The following TMEM165 variants were observed in gnomAD, a reference collection of about 807,000 sequenced individuals.
TMEM165 encodes putative divalent cation/proton antiporter TMEM165.
TMEM165 carries 19 observed loss-of-function variants against 30.0 expected under a neutral mutation model. That is an observed-to-expected ratio of 0.63 (90% confidence interval 0.44 to 0.93). TMEM165 has a LOEUF of 0.93. Ranked by LOEUF, TMEM165 falls within the 40% of genes least tolerant of loss-of-function variation. TMEM165 has a pLI of 0.00. For missense variants in TMEM165, 340 were observed against 417.0 expected (o/e 0.82, Z 1.61); for synonymous variants, 168 against 162.9 (o/e 1.03, Z -0.24).
Position 55,417,992 on chromosome 4 carries a change from G to A in TMEM165, c.792+7G>A. ...TGTATTGGCAGCTAGAGAGGTGAGTGATATTTGAGAGGAGACTGTTTAAAA... is the reference window on the plus strand; with the variant it reads ...TGTATTGGCAGCTAGAGAGGTGAGTAATATTTGAGAGGAGACTGTTTAAAA... On this transcript the variant is annotated splice_region_variant and intron_variant, in intron 4 of 5. Coordinates refer to ENST00000381334, the MANE Select transcript of TMEM165 (RefSeq NM_018475.5). 6.3e-7 allele frequency: 1 copy of A among 1,598,922 alleles called. No homozygotes were observed. Among genetic ancestry groups the A allele is most frequent in the South Asian group, 1.1e-5 (1 of 87,934 alleles).
At chr4:55,411,961 C>T in intron 2 of TMEM165, 122 bp downstream of exon 2, 2 of 872,816 alleles carry the variant, frequency 2.3e-6, no homozygotes, top group Non-Finnish European at 3.7e-6. Flanking sequence ...TATTTGTGGT[C>T]TTCCAACCTT....
At chr4:55,396,700 G>C (rs1270969974) in intron 1 of TMEM165, among the ~76,000 whole-genome samples, 2 of 152,228 alleles carry the variant, frequency 1.3e-5, no homozygotes, top group African/African-American at 4.8e-5. Context: ...AGAGTAGCTA[G>C]AAAGACTCAT....
Position 55,401,291 on chromosome 4 carries a change from T to C in TMEM165, c.207+4895T>C, listed in dbSNP as rs561523596. ...TACAAACCCATGATAAAAAGTGTTG[T>C]TGATTACTTGGATCCTATCTTTTCT... is the stretch of plus-strand genomic sequence containing the variant. On this transcript the variant is annotated intron_variant, in intron 1 of 5. Coordinates refer to ENST00000381334, the MANE Select transcript of TMEM165 (RefSeq NM_018475.5). Among the ~76,000 whole-genome samples the C allele has an allele frequency of 1.8e-3, 278 of 150,992 alleles. 3 individuals are homozygous for C. The Middle Eastern group carries it at 0.027, about 15-fold the overall frequency.
At chr4:55,417,702 C>A in intron 3 of TMEM165, 101 bp from the exon 4 acceptor site, 2 of 982,664 alleles carry the variant, frequency 2.0e-6, no homozygotes, top group East Asian at 2.7e-5. Flanking sequence ...TTTTTTGGAG[C>A]ATATTTCATA....
downstream of TMEM165, chr4:55,428,021 A>T (rs1467923513): frequency 6.6e-6 from 1 of 152,228 alleles, no homozygotes; most frequent in Non-Finnish European, 1.5e-5. Context: ...GATAACTGAA[A>T]AACATAGCAC....
chr4:55,425,504 T>C lies in TMEM165; in HGVS notation c.*52T>C, dbSNP rs554661256. ...TTTAAAATAGGTAGTATTATCTTTC[T>C]GTACATAGTGTACATTACAACTAAA... On this transcript the variant is annotated 3_prime_UTR_variant, in exon 6 of 6. Coordinates refer to ENST00000381334, the MANE Select transcript of TMEM165 (RefSeq NM_018475.5). 2.7e-4 allele frequency: 364 copies of C among 1,328,374 alleles called. 5 individuals are homozygous for C. In the South Asian group the frequency reaches 4.3e-3, roughly 16 times the overall value. The allele number at this position is 1,328,374 out of a possible 1,614,324, so 82.3% of individuals were successfully genotyped here.
At chr4:55,422,136 T>C (rs1451263235) in intron 4 of TMEM165, among the ~76,000 whole-genome samples, 1 of 152,224 alleles carries the variant, frequency 6.6e-6, no homozygotes, top group South Asian at 2.1e-4. Context: ...CAGGAGGTGA[T>C]TGGCTGGCCA....
chr4:55,444,873 C>T (rs892738604), intron 3 of TMEM165: 1 of 1,345,148 alleles, frequency 7.4e-7, no homozygotes, highest in East Asian at 2.5e-5. Context: ...AGCAGTATAA[C>T]ATGAGTGAAG....
chr4:55,411,882 G>A, intron 2 of TMEM165, 43 bp downstream of exon 2: 2 of 1,582,568 alleles, frequency 1.3e-6, no homozygotes, highest in Non-Finnish European at 1.7e-6. Flanking sequence ...GAATTAAAGG[G>A]AAAGCGTGTT....
intron 3 of TMEM165, among the ~76,000 whole-genome samples, chr4:55,451,149 C>T (rs1025024548): frequency 6.6e-6 from 1 of 152,136 alleles, no homozygotes; most frequent in Non-Finnish European, 1.5e-5. Flanking sequence ...TCCCTAATTC[C>T]CCCATCCTGG....
intron 3 of TMEM165, chr4:55,417,588 G>C (rs1721789206): frequency 1.7e-6 from 1 of 576,296 alleles, no homozygotes; most frequent in Non-Finnish European, 3.0e-6. Flanking sequence ...AATACTGTTT[G>C]GTTTGTTCAG....
intron 3 of TMEM165, among the ~76,000 whole-genome samples, chr4:55,436,340 G>C (rs765271014): frequency 6.6e-6 from 1 of 152,164 alleles, no homozygotes; most frequent in Non-Finnish European, 1.5e-5. Context: ...TTTGAGTTTT[G>C]CTCTGCCATT....
At chr4:55,407,381 C>T (rs1038527986) in intron 1 of TMEM165, among the ~76,000 whole-genome samples, 6 of 151,852 alleles carry the variant, frequency 4.0e-5, no homozygotes, top group East Asian at 3.8e-4. Flanking sequence ...TTGAGGTGTG[C>T]GGTGAGTAAA....
chr4:55,450,105 A>T (rs1724285852), intron 3 of TMEM165: 1 of 1,613,980 alleles, frequency 6.2e-7, no homozygotes, highest in Non-Finnish European at 8.5e-7. Context: ...AGGGTCTGAG[A>T]CGGCCGTGTG....
At chr4:55,449,373 A>G (rs758873462) in intron 3 of TMEM165, 1 of 1,569,778 alleles carries the variant, frequency 6.4e-7, no homozygotes, top group East Asian at 2.2e-5. Context: ...TTTATTCAGA[A>G]GAATATCCAC....
intron 3 of TMEM165, chr4:55,435,146 A>T: frequency 2.2e-6 from 1 of 461,718 alleles, no homozygotes; most frequent in Non-Finnish European, 4.0e-6. Context: ...ATTTGGCAAT[A>T]TATTCTTTTT....
At chr4:55,420,106 A>AAAAAAT (rs1474254120) in intron 4 of TMEM165, among the ~76,000 whole-genome samples, 1 of 45,466 alleles carries the variant, frequency 2.2e-5, no homozygotes, top group African/African-American at 8.2e-5. Flanking sequence ...AAGAAAAAAA[A>AAAAAAT]ATATATATAT....
intron 3 of TMEM165, among the ~76,000 whole-genome samples, chr4:55,435,980 G>A (rs1722848954): frequency 6.6e-6 from 1 of 152,194 alleles, no homozygotes; most frequent in Non-Finnish European, 1.5e-5. Flanking sequence ...AATGCCTTCT[G>A]CACACAGGTT....
intron 3 of TMEM165, among the ~76,000 whole-genome samples, chr4:55,446,748 T>C (rs886318070): frequency 9.2e-5 from 14 of 152,212 alleles, no homozygotes; most frequent in Admixed American, 3.3e-4. Flanking sequence ...CTTTAATTAT[T>C]CCCATGAATT....
Sources: allele counts gnomAD v4.1 joint callset (sites outside exome capture counted in the v4.1 genomes callset), GRCh38; gene constraint gnomAD v4.1.1; transcripts MANE v1.5; gene names NCBI Gene and HGNC (gene_info 2026-07-23, HGNC 2026-07-21).